Variants in TNIK observed in about 807,000 individuals in gnomAD.
TNIK encodes the protein TRAF2 and NCK interacting kinase.
TNIK carries 49 observed loss-of-function variants against 191.3 expected under a neutral mutation model. That is an observed-to-expected ratio of 0.26 (90% CI 0.20 to 0.32). The LOEUF (loss-of-function observed/expected upper bound fraction) is 0.32. Among genes scored for constraint, TNIK ranks in the 10% least tolerant of loss-of-function variants. TNIK has a pLI of 1.00. For synonymous variants in TNIK, 594 were observed against 600.9 expected, an observed-to-expected ratio of 0.99 and a Z score of 0.17; for missense variants, 1,155 against 1,702.3, an observed-to-expected ratio of 0.68 and a Z score of 5.66.
intron 2 of TNIK, among the ~76,000 whole-genome samples, chr3:171,309,739 C>A (rs1339806454): frequency 1.3e-5 from 2 of 152,120 alleles, no homozygotes; most frequent in Non-Finnish European, 2.9e-5. Context: ...AGAGACCTTT[C>A]ATTCAAAATA....
At chr3:171,123,395 G>GC (rs376776064) in intron 18 of TNIK, among the ~76,000 whole-genome samples, 120 of 152,300 alleles carry the variant, frequency 7.9e-4, no homozygotes, top group African/African-American at 2.8e-3. Context: ...TTATTCATGA[G>GC]CCCCCCACTG....
intron 2 of TNIK, among the ~76,000 whole-genome samples, chr3:171,356,188 A>AG (rs957517417): frequency 6.6e-6 from 1 of 152,102 alleles, no homozygotes; most frequent in African/African-American, 2.4e-5. Context: ...CTGGGGGGAA[A>AG]AAAAAATCAT....
Position 171,108,075 on chromosome 3 carries a change from C to T in TNIK, c.2372G>A (p.Ser791Asn), listed in dbSNP as rs1163105330. Residue 791 changes from serine (S) to asparagine (N), a missense_variant, in exon 20 of 33, where the codon AGT becomes AAT. Around this residue, in one of 3 missense-constraint regions of TNIK, gnomAD observed 735 missense variants for 848.0 expected, o/e 0.87. Coordinates refer to ENST00000436636, the MANE Select transcript of TNIK (RefSeq NM_015028.4). Reference sequence around the variant, plus strand: ...GAGAAAAGCACTCACAGCTGGTCGACTGGGCCGGGTAATGTCCCTGGATTC... The same window carrying T: ...GAGAAAAGCACTCACAGCTGGTCGATTGGGCCGGGTAATGTCCCTGGATTC... ...PEESRDITRP[S>N]RPASYKKAID... The T allele has an allele frequency of 1.3e-6, 2 of 1,566,002 alleles. No individual in the cohort carries two copies. The highest frequency in any genetic ancestry group is 2.7e-5 in the African/African-American group (2 of 74,026).
chr3:171,194,943 G>GT (rs11375120), intron 4 of TNIK, among the ~76,000 whole-genome samples: 51,005 of 151,770 alleles, frequency 0.34, 8,938 homozygotes, highest in East Asian at 0.56. Context: ...GAATATCTCT[G>GT]TTTTAACTCA....
chr3:171,101,686 C>T (rs1723590900), intron 21 of TNIK, 53 bp from the exon 22 acceptor site: 5 of 1,561,994 alleles, frequency 3.2e-6, no homozygotes, highest in East Asian at 2.3e-5. Context: ...ACCAAAGCTA[C>T]ATCTCTCAGC....
chr3:171,154,306 T>C (rs1015184685), intron 12 of TNIK, among the ~76,000 whole-genome samples: 4 of 152,160 alleles, frequency 2.6e-5, no homozygotes. Context: ...GTGTATATTT[T>C]TTGGCCAGAT....
intron 2 of TNIK, among the ~76,000 whole-genome samples, chr3:171,312,396 TA>T (rs904006847): frequency 1.3e-5 from 2 of 151,760 alleles, no homozygotes; most frequent in Admixed American, 6.6e-5. Flanking sequence ...TTTTCAAACT[TA>T]AAAAAAACAG....
intron 1 of TNIK, among the ~76,000 whole-genome samples, chr3:171,390,706 G>A (rs1248104909): frequency 6.6e-6 from 1 of 152,188 alleles, no homozygotes; most frequent in East Asian, 1.9e-4. Context: ...AAAGTTCAAG[G>A]CCATCAAGCT....
chr3:171,289,999 G>C (rs916392946), intron 2 of TNIK, among the ~76,000 whole-genome samples: 7 of 151,996 alleles, frequency 4.6e-5, no homozygotes, highest in Admixed American at 3.3e-4. Flanking sequence ...CGATTCATTT[G>C]GGCCTCAGTT....
chr3:171,100,814 T>C (rs376778278), intron 22 of TNIK, among the ~76,000 whole-genome samples: 1 of 144,834 alleles, frequency 6.9e-6, no homozygotes, highest in African/African-American at 2.5e-5. Context: ...AATATACATG[T>C]AAATACATAA....
intron 12 of TNIK, among the ~76,000 whole-genome samples, chr3:171,155,140 G>A (rs1021175771): frequency 3.3e-5 from 5 of 152,168 alleles, no homozygotes; most frequent in Non-Finnish European, 5.9e-5. Flanking sequence ...AAAATGACTC[G>A]CAGTGAAATA....
chr3:171,129,028 A>G (rs1728888624), intron 15 of TNIK, 150 bp from the exon 16 acceptor site: 3 of 1,285,016 alleles, frequency 2.3e-6, no homozygotes, highest in Non-Finnish European at 3.1e-6. Flanking sequence ...TGCTGCATCA[A>G]GAGTTTGCAA....
At chr3:171,318,915 A>G (rs1474566787) in intron 2 of TNIK, among the ~76,000 whole-genome samples, 1 of 152,170 alleles carries the variant, frequency 6.6e-6, no homozygotes, top group Non-Finnish European at 1.5e-5. Flanking sequence ...CTGTAATCCC[A>G]GTGCTTTGAG....
chr3:171,284,866 G>A (rs1415609075), intron 2 of TNIK, among the ~76,000 whole-genome samples: 2 of 152,164 alleles, frequency 1.3e-5, no homozygotes, highest in Admixed American at 1.3e-4. Flanking sequence ...TACTAAAGCA[G>A]GGAAGGAGTA....
At chr3:171,336,414 C>T (rs931827442) in intron 2 of TNIK, among the ~76,000 whole-genome samples, 1 of 152,134 alleles carries the variant, frequency 6.6e-6, no homozygotes, top group African/African-American at 2.4e-5. Flanking sequence ...GTTTTTGTCT[C>T]CCTCCTCTCT....
At chr3:171,127,256 G>A (rs1163929521) in intron 16 of TNIK, among the ~76,000 whole-genome samples, 1 of 152,136 alleles carries the variant, frequency 6.6e-6, no homozygotes, top group Non-Finnish European at 1.5e-5. Context: ...ATTAATGACA[G>A]TTCAGAGGAA....
intron 2 of TNIK, among the ~76,000 whole-genome samples, chr3:171,324,494 GT>G (rs1755528732): frequency 6.6e-6 from 1 of 152,098 alleles, no homozygotes; most frequent in Non-Finnish European, 1.5e-5. Flanking sequence ...AGTGAGCCCT[GT>G]TGTATCTGAC....
intron 1 of TNIK, among the ~76,000 whole-genome samples, chr3:171,449,744 C>T (rs572235504): frequency 0.03 from 4,584 of 151,680 alleles, 240 homozygotes; most frequent in African/African-American, 0.1. Context: ...ATGACCATTG[C>T]TTTTACAATG....
At chr3:171,345,302 G>A (rs1226983777) in intron 2 of TNIK, among the ~76,000 whole-genome samples, 1 of 152,158 alleles carries the variant, frequency 6.6e-6, no homozygotes, top group Non-Finnish European at 1.5e-5. Flanking sequence ...GCCCTGCAAT[G>A]TCCTGGCTTG....
Sources: gnomAD v4.1 joint callset for allele counts (sites outside exome capture counted in the v4.1 genomes callset) on GRCh38, gnomAD v4.1.1 for gene constraint, gnomAD v4.1.1 regional missense constraint, MANE v1.5 for transcripts, NCBI Gene and HGNC (gene_info 2026-07-23, HGNC 2026-07-21) for gene names.